The following L3MBTL4 variants were observed in gnomAD, a reference collection of about 807,000 sequenced individuals.
L3MBTL4 encodes L3MBTL histone methyl-lysine binding protein 4.
Under a neutral mutation model 84.5 loss-of-function variants are expected in L3MBTL4, and 70 were observed. The observed-to-expected ratio is 0.83, with a 90% CI of 0.68 to 1.01. The LOEUF is 1.01. Ranked by LOEUF, L3MBTL4 falls within the 50% of genes least tolerant of loss-of-function variation. The pLI is 0.00. For missense variants in L3MBTL4, 715 were observed against 754.8 expected, an observed-to-expected ratio of 0.95 and a Z score of 0.62; for synonymous variants, 274 against 259.8, an observed-to-expected ratio of 1.05 and a Z score of -0.52.
At chr18:6,288,065 A>T (rs1326843537) in intron 4 of L3MBTL4, among the ~76,000 whole-genome samples, 1 of 152,222 alleles carries the variant, frequency 6.6e-6, no homozygotes, top group Non-Finnish European at 1.5e-5. Context: ...GAGAAATCTT[A>T]AAGTTTGACC....
At chr18:6,304,410 A>G (rs1338131655) in intron 3 of L3MBTL4, among the ~76,000 whole-genome samples, 7 of 152,260 alleles carry the variant, frequency 4.6e-5, no homozygotes, top group African/African-American at 1.4e-4. Context: ...TTAACAAAGT[A>G]GCATTCTGCT....
At chr18:6,208,730 C>A (rs1196695609) in intron 12 of L3MBTL4, among the ~76,000 whole-genome samples, 2 of 152,158 alleles carry the variant, frequency 1.3e-5, no homozygotes, top group Non-Finnish European at 2.9e-5. Context: ...ACACACTGTA[C>A]AACCAAACAA....
chr18:6,166,393 T>C (rs910413386), intron 13 of L3MBTL4, among the ~76,000 whole-genome samples: 28 of 151,978 alleles, frequency 1.8e-4, no homozygotes, highest in African/African-American at 6.3e-4. Context: ...CAGCACCACA[T>C]CACACCTATT....
At chr18:6,076,505 G>A (rs910824412) in intron 16 of L3MBTL4, among the ~76,000 whole-genome samples, 1 of 152,144 alleles carries the variant, frequency 6.6e-6, no homozygotes, top group Non-Finnish European at 1.5e-5. Context: ...TGATCTTAGT[G>A]ATGATTAAAT....
At chr18:6,214,778 T>A (rs2046255660) in intron 11 of L3MBTL4, among the ~76,000 whole-genome samples, 2 of 152,190 alleles carry the variant, frequency 1.3e-5, no homozygotes, top group South Asian at 4.1e-4. Context: ...CTAAGGTACA[T>A]CCCTGAGCTG....
intron 1 of L3MBTL4, among the ~76,000 whole-genome samples, chr18:6,361,722 T>C (rs1024192462): frequency 2.0e-5 from 3 of 152,178 alleles, no homozygotes; most frequent in African/African-American, 7.2e-5. Context: ...GCTGCAGTCC[T>C]ATGCAGGGGT....
At chr18:5,967,135 C>T (rs1353676961) in intron 17 of L3MBTL4, among the ~76,000 whole-genome samples, 7 of 152,256 alleles carry the variant, frequency 4.6e-5, no homozygotes, top group Non-Finnish European at 7.3e-5. Flanking sequence ...GTCCAGCAGA[C>T]TGTGGGCTGT....
chr18:6,324,261 C>A (rs2147091508), intron 1 of L3MBTL4, among the ~76,000 whole-genome samples: 1 of 152,330 alleles, frequency 6.6e-6, no homozygotes, highest in East Asian at 1.9e-4. Flanking sequence ...TCTGCTAGGG[C>A]AGTGCAGAGG....
chr18:6,113,417 A>C (rs893239207), intron 14 of L3MBTL4, among the ~76,000 whole-genome samples: 19 of 151,396 alleles, frequency 1.3e-4, no homozygotes, highest in African/African-American at 4.4e-4. Flanking sequence ...CAAACCTGAT[A>C]AAGCTCTGTA....
At chr18:6,158,347 G>T (rs1317273700) in intron 13 of L3MBTL4, among the ~76,000 whole-genome samples, 1 of 152,130 alleles carries the variant, frequency 6.6e-6, no homozygotes, top group African/African-American at 2.4e-5. Flanking sequence ...TTCTAAGAAG[G>T]GACCATTCAA....
chr18:6,412,753 C>T (rs2056021945), intron 1 of L3MBTL4, among the ~76,000 whole-genome samples: 3 of 152,066 alleles, frequency 2.0e-5, no homozygotes, highest in African/African-American at 7.2e-5. Context: ...GCAAAGGAGG[C>T]TTATTACCAC....
At chr18:6,296,617 A>G (rs182709549) in intron 4 of L3MBTL4, among the ~76,000 whole-genome samples, 1 of 152,332 alleles carries the variant, frequency 6.6e-6, no homozygotes, top group African/African-American at 2.4e-5. Flanking sequence ...TGCATGTTCT[A>G]TACAGCTGCA....
chr18:5,975,630 C>A (rs2052883596), intron 16 of L3MBTL4, among the ~76,000 whole-genome samples: 1 of 152,220 alleles, frequency 6.6e-6, no homozygotes, highest in South Asian at 2.1e-4. Context: ...GCACTTTCTT[C>A]TCTTGATTTT....
At chr18:6,383,094 A>G (rs111606058) in intron 1 of L3MBTL4, among the ~76,000 whole-genome samples, 3,708 of 152,140 alleles carry the variant, frequency 0.024, 65 homozygotes, top group Middle Eastern at 0.092. Flanking sequence ...ACATCCTAGC[A>G]GCTTTGTTTA....
intron 16 of L3MBTL4, among the ~76,000 whole-genome samples, chr18:6,078,443 A>C (rs2057943164): frequency 6.6e-6 from 1 of 151,348 alleles, no homozygotes; most frequent in Non-Finnish European, 1.5e-5. Flanking sequence ...AAAAAACAAA[A>C]AAAAAAAAAA....
chr18:6,000,640 A>C (rs1287013764), intron 16 of L3MBTL4, among the ~76,000 whole-genome samples: 1 of 152,234 alleles, frequency 6.6e-6, no homozygotes, highest in East Asian at 1.9e-4. Flanking sequence ...TATAATAAAA[A>C]CAACCCTTTC....
At chr18:6,393,059 A>G (rs2055123456) in intron 1 of L3MBTL4, among the ~76,000 whole-genome samples, 1 of 143,362 alleles carries the variant, frequency 7.0e-6, no homozygotes, top group African/African-American at 2.6e-5. Context: ...ACCACTTGTA[A>G]CCCAAAAGTG....
chr18:5,994,403 C>T (rs1426725823), intron 16 of L3MBTL4, among the ~76,000 whole-genome samples: 2 of 152,146 alleles, frequency 1.3e-5, no homozygotes, highest in South Asian at 2.1e-4. Context: ...AAAATATTTC[C>T]CTTACTTACC....
At chr18:6,130,839 A>AAATTGTGTGAT (rs57098356) in intron 14 of L3MBTL4, among the ~76,000 whole-genome samples, 8,738 of 152,208 alleles carry the variant, frequency 0.057, 861 homozygotes, top group African/African-American at 0.2. Context: ...AATAAAATGT[A>AAATTGTGTGAT]AATTGTGTGC....
Sources: gnomAD v4.1 joint callset for allele counts (sites outside exome capture counted in the v4.1 genomes callset) on GRCh38, gnomAD v4.1.1 for gene constraint, MANE v1.5 for transcripts, NCBI Gene and HGNC (gene_info 2026-07-23, HGNC 2026-07-21) for gene names.